PDE3B: variants seen among roughly 807,000 people sequenced by gnomAD.
The protein encoded by PDE3B is cGMP-inhibited 3',5'-cyclic phosphodiesterase 3B.
Under a neutral mutation model 116.8 loss-of-function variants are expected in PDE3B, and 66 were observed. The ratio of observed to expected loss-of-function variants is 0.56; its 90% CI spans 0.46 to 0.69. The LOEUF (loss-of-function observed/expected upper bound fraction) is 0.69, where lower values mean the gene tolerates loss of function less well. Among genes scored for constraint, PDE3B ranks in the 30% least tolerant of loss-of-function variants. PDE3B has a pLI of 0.00. For missense variants in PDE3B, 1,384 were observed against 1,368.1 expected, an observed-to-expected ratio of 1.01 and a Z score of -0.18; for synonymous variants, 595 against 533.6, an observed-to-expected ratio of 1.12 and a Z score of -1.59.
At chr11:14,815,938 T>C (rs960602215) in intron 5 of PDE3B, among the ~76,000 whole-genome samples, 4 of 146,126 alleles carry the variant, frequency 2.7e-5, no homozygotes, top group East Asian at 2.0e-4. Context: ...ATTATATTTA[T>C]ACACACACAC....
intron 1 of PDE3B, among the ~76,000 whole-genome samples, chr11:14,679,913 T>G (rs1346738295): frequency 1.3e-5 from 2 of 151,942 alleles, no homozygotes; most frequent in Admixed American, 6.6e-5. Flanking sequence ...TGGGACCAAA[T>G]GCTCCTCCTT....
At chr11:14,681,453 C>T (rs1235200829) in intron 1 of PDE3B, among the ~76,000 whole-genome samples, 1 of 152,120 alleles carries the variant, frequency 6.6e-6, no homozygotes, top group East Asian at 1.9e-4. Flanking sequence ...GGGAGAGTTT[C>T]CCTGTACAAA....
At chr11:14,897,285 G>T in the PDE3B span, among the ~76,000 whole-genome samples, 3 of 152,026 alleles carry the variant, frequency 2.0e-5, no homozygotes, top group African/African-American at 7.2e-5. Context: ...AATGTTCTTT[G>T]GGAGCCCTAA....
chr11:14,838,509 C>G (rs979750974), intron 11 of PDE3B, among the ~76,000 whole-genome samples: 1 of 152,136 alleles, frequency 6.6e-6, no homozygotes, highest in African/African-American at 2.4e-5. Context: ...CCTGCTGATT[C>G]TTCATGCTGG....
the PDE3B span, chr11:14,887,317 G>T: frequency 2.4e-4 from 36 of 152,210 alleles, 1 homozygote. Flanking sequence ...AAGCAAGGAG[G>T]AGCCATGGCT....
chr11:14,892,126 AC>A, the PDE3B span: 1 of 1,611,264 alleles, frequency 6.2e-7, no homozygotes, highest in South Asian at 1.1e-5. Flanking sequence ...CAGCTGGCGG[AC>A]CCCTAGCGCG....
At chr11:14,853,001 G>GTC (rs1176337069) in intron 12 of PDE3B, among the ~76,000 whole-genome samples, 2 of 150,774 alleles carry the variant, frequency 1.3e-5, no homozygotes, top group African/African-American at 2.4e-5. Context: ...GTCCCATTAA[G>GTC]TCTCTCTCTC....
chr11:14,712,234 T>A (rs974640288), intron 1 of PDE3B, among the ~76,000 whole-genome samples: 1 of 151,546 alleles, frequency 6.6e-6, no homozygotes, highest in Admixed American at 6.6e-5. Context: ...TACAGACGTG[T>A]GCCACCACAC....
chr11:14,772,666 T>G (rs2133899193), intron 2 of PDE3B: 1 of 152,072 alleles, frequency 6.6e-6, no homozygotes, highest in South Asian at 2.1e-4. Context: ...ATAATATGTG[T>G]ACTTTTTTAG....
At chr11:14,739,009 G>A (rs1856684525) in intron 1 of PDE3B, among the ~76,000 whole-genome samples, 2 of 152,166 alleles carry the variant, frequency 1.3e-5, no homozygotes, top group South Asian at 4.1e-4. Context: ...CTGTAGCCTT[G>A]TAATATAGTT....
intron 14 of PDE3B, among the ~76,000 whole-genome samples, chr11:14,861,602 G>C (rs1464197136): frequency 5.9e-5 from 9 of 152,158 alleles, no homozygotes; most frequent in African/African-American, 1.9e-4. Context: ...ATATACTCAT[G>C]AGTCTACAGG....
chr11:14,667,652 C>G (rs1252054494), intron 1 of PDE3B, among the ~76,000 whole-genome samples: 1 of 148,148 alleles, frequency 6.8e-6, no homozygotes, highest in African/African-American at 2.5e-5. Context: ...AACACATGGA[C>G]ACAGGAAGGG....
At chr11:14,646,401 A>G (rs867677087) in intron 1 of PDE3B, among the ~76,000 whole-genome samples, 2 of 152,210 alleles carry the variant, frequency 1.3e-5, no homozygotes, top group Non-Finnish European at 2.9e-5. Flanking sequence ...TCTGTGGTCA[A>G]CCACTTGAAA....
chr11:14,826,604 C>T (rs1859695428), intron 7 of PDE3B, among the ~76,000 whole-genome samples: 1 of 151,960 alleles, frequency 6.6e-6, no homozygotes, highest in African/African-American at 2.4e-5. Context: ...ATAAGAAGCT[C>T]CAAAACGGAA....
At chr11:14,898,516 GCA>G in the PDE3B span, among the ~76,000 whole-genome samples, 1 of 151,944 alleles carries the variant, frequency 6.6e-6, no homozygotes, top group Non-Finnish European at 1.5e-5. Flanking sequence ...AGTTCACATG[GCA>G]CAACATTTAC....
chr11:14,779,907 G>A (rs1857925270), intron 2 of PDE3B, among the ~76,000 whole-genome samples: 1 of 151,586 alleles, frequency 6.6e-6, no homozygotes, highest in African/African-American at 2.4e-5. Context: ...TCAGTGTGCT[G>A]TATTCAGGAG....
intron 12 of PDE3B, among the ~76,000 whole-genome samples, chr11:14,855,165 T>C (rs529326393): frequency 2.6e-5 from 4 of 151,984 alleles, no homozygotes; most frequent in African/African-American, 9.6e-5. Context: ...AAAGAGAATA[T>C]AGGGAAGGAG....
At chr11:14,713,687 A>G (rs1855775243) in intron 1 of PDE3B, among the ~76,000 whole-genome samples, 1 of 134,194 alleles carries the variant, frequency 7.5e-6, no homozygotes, top group Admixed American at 8.0e-5. Context: ...CTTATAATAA[A>G]AAATCTTTAC....
chr11:14,778,524 C>T (rs933354311), intron 2 of PDE3B, among the ~76,000 whole-genome samples: 11 of 152,238 alleles, frequency 7.2e-5, no homozygotes, highest in Non-Finnish European at 1.2e-4. Flanking sequence ...TGCAGTTCTG[C>T]AGTCTGCACT....
Sources: gnomAD v4.1 joint callset for allele counts (sites outside exome capture counted in the v4.1 genomes callset) on GRCh38, gnomAD v4.1.1 for gene constraint, MANE v1.5 for transcripts, NCBI Gene and HGNC (gene_info 2026-07-23, HGNC 2026-07-21) for gene names.